The following TAFA5 variants were observed in gnomAD, a reference collection of about 807,000 sequenced individuals.
TAFA5 encodes the protein TAFA chemokine like family member 5, also known as chemokine-like protein TAFA-5.
A neutral mutation model predicts 15.3 loss-of-function variants in TAFA5; 6 were observed. The observed-to-expected ratio is 0.39, with a 90% CI of 0.21 to 0.77. The LOEUF (loss-of-function observed/expected upper bound fraction) is 0.77. Among genes scored for constraint, TAFA5 ranks in the 30% least tolerant of loss-of-function variants. The pLI, the probability that TAFA5 is intolerant of heterozygous loss-of-function variation, is 0.41. For missense variants in TAFA5, 161 were observed against 193.1 expected (o/e 0.83, Z 0.98); for synonymous variants, 103 against 80.7 (o/e 1.28, Z -1.48).
intron 2 of TAFA5, among the ~76,000 whole-genome samples, chr22:48,699,153 G>A (rs897704933): frequency 1.5e-4 from 23 of 151,928 alleles, no homozygotes; most frequent in South Asian, 2.1e-4. Context: ...GGCTGGTCTC[G>A]AACTCCTGAC....
intron 1 of TAFA5, among the ~76,000 whole-genome samples, chr22:48,500,282 T>A (rs976734646): frequency 6.6e-5 from 10 of 152,194 alleles, no homozygotes; most frequent in Non-Finnish European, 1.3e-4. Flanking sequence ...CCCCTGTCCC[T>A]GACCAACAAC....
intron 1 of TAFA5, among the ~76,000 whole-genome samples, chr22:48,596,603 G>A (rs1052160514): frequency 3.3e-5 from 5 of 152,108 alleles, no homozygotes; most frequent in Non-Finnish European, 7.3e-5. Context: ...GCTGGCATGA[G>A]GGAGGCGCGT....
rs566043629 is a variant in TAFA5 at position 48,608,759 on chromosome 22, A to C, written c.113-37838A>C. Among the ~76,000 whole-genome samples the C allele has an allele frequency of 6.8e-4, 103 of 152,278 alleles. No individual in the cohort carries two copies. In the South Asian group the frequency reaches 7.9e-3, roughly 12 times the overall value. On this transcript the variant is annotated intron_variant, in intron 1 of 3. Coordinates refer to ENST00000402357, the MANE Select transcript of TAFA5 (RefSeq NM_001082967.3). ...GCAGAGTGCCGTGGAGGGGCTCCCG[A>C]AGCCCGCTGGCCTTTGTCTGCTTGA...
intron 2 of TAFA5, among the ~76,000 whole-genome samples, chr22:48,665,584 AT>A (rs1054681336): frequency 6.6e-6 from 1 of 151,788 alleles, no homozygotes; most frequent in South Asian, 2.1e-4. Flanking sequence ...CTCAAGGCAC[AT>A]TTTTTTTCTC....
chr22:48,713,293 G>A (rs564438129), intron 3 of TAFA5, among the ~76,000 whole-genome samples: 3 of 152,326 alleles, frequency 2.0e-5, no homozygotes, highest in South Asian at 2.1e-4. Flanking sequence ...GGCAGCTGCC[G>A]CTGATCTCGT....
intron 1 of TAFA5, among the ~76,000 whole-genome samples, chr22:48,633,559 C>A (rs1423095474): frequency 1.1e-5 from 1 of 90,478 alleles, no homozygotes; most frequent in Non-Finnish European, 2.3e-5. Context: ...TCTCTCTCTC[C>A]ATCTCTCCAT....
At chr22:48,709,015 C>T (rs1229093199) in intron 3 of TAFA5, among the ~76,000 whole-genome samples, 1 of 152,200 alleles carries the variant, frequency 6.6e-6, no homozygotes, top group African/African-American at 2.4e-5. Flanking sequence ...CTGAGAGTCG[C>T]ACGGCTTTCT....
intron 1 of TAFA5, among the ~76,000 whole-genome samples, chr22:48,518,188 G>A (rs1921481720): frequency 6.6e-6 from 1 of 152,220 alleles, no homozygotes; most frequent in Non-Finnish European, 1.5e-5. Flanking sequence ...CAGGAGCTGA[G>A]ATGGTACCCG....
chr22:48,535,805 T>C (rs989484807), intron 1 of TAFA5, among the ~76,000 whole-genome samples: 2 of 151,684 alleles, frequency 1.3e-5, no homozygotes, highest in Admixed American at 1.3e-4. Context: ...GCTGTGTGGG[T>C]ATATGCATAT....
At chr22:48,541,587 G>A (rs1237062278) in intron 1 of TAFA5, among the ~76,000 whole-genome samples, 4 of 152,156 alleles carry the variant, frequency 2.6e-5, no homozygotes, top group Admixed American at 2.6e-4. Context: ...TGCCACACAG[G>A]GCAACAGGTG....
intron 1 of TAFA5, among the ~76,000 whole-genome samples, chr22:48,523,496 C>T (rs1379844011): frequency 6.6e-6 from 1 of 152,212 alleles, no homozygotes; most frequent in Non-Finnish European, 1.5e-5. Context: ...CGTTGGGCCT[C>T]TGCTTCTGGG....
At chr22:48,651,429 T>G (rs1364460327) in intron 2 of TAFA5, among the ~76,000 whole-genome samples, 1 of 151,666 alleles carries the variant, frequency 6.6e-6, no homozygotes, top group Non-Finnish European at 1.5e-5. Flanking sequence ...TGGAGGTGGG[T>G]GTTGGGTGGA....
intron 1 of TAFA5, among the ~76,000 whole-genome samples, chr22:48,508,135 G>A (rs1315711417): frequency 1.3e-5 from 2 of 152,196 alleles, no homozygotes; most frequent in Non-Finnish European, 1.5e-5. Flanking sequence ...CTGATGCGTG[G>A]GCCACTGTTT....
intron 2 of TAFA5, among the ~76,000 whole-genome samples, chr22:48,659,252 G>A (rs1927351544): frequency 6.6e-6 from 1 of 152,266 alleles, no homozygotes; most frequent in Non-Finnish European, 1.5e-5. Context: ...CTTTGAGCAA[G>A]TGGAGAATTT....
chr22:48,558,348 A>G (rs1348918565), intron 1 of TAFA5, among the ~76,000 whole-genome samples: 1 of 152,202 alleles, frequency 6.6e-6, no homozygotes, highest in Non-Finnish European at 1.5e-5. Context: ...ACATAGACAA[A>G]TTAAATCTTG....
At position 48,627,698 on chromosome 22, in the gene TAFA5, C is replaced by T. The variant is rs571479459; in HGVS notation, c.113-18899C>T. 1.2e-3 allele frequency among the ~76,000 whole-genome samples: 178 copies of T among 152,340 alleles called. 1 individual carries two copies. Among genetic ancestry groups the T allele is most frequent in the African/African-American group, 3.9e-3 (162 of 41,586 alleles). On this transcript the variant is annotated intron_variant, in intron 1 of 3. Coordinates refer to ENST00000402357, the MANE Select transcript of TAFA5 (RefSeq NM_001082967.3). ...GCTCATCCAAAATGAGACACTCACACCCTAGGTGCAGCTGAGGCAGGACCC... is the reference window on the plus strand; with the variant it reads ...GCTCATCCAAAATGAGACACTCACATCCTAGGTGCAGCTGAGGCAGGACCC...
intron 1 of TAFA5, among the ~76,000 whole-genome samples, chr22:48,511,657 C>T (rs1288361941): frequency 1.3e-5 from 2 of 152,236 alleles, no homozygotes; most frequent in Non-Finnish European, 2.9e-5. Context: ...CCCCTGAGCT[C>T]CTAGAAAGGC....
chr22:48,543,143 C>G (rs1922523127), intron 1 of TAFA5, among the ~76,000 whole-genome samples: 1 of 152,016 alleles, frequency 6.6e-6, no homozygotes, highest in Admixed American at 6.5e-5. Flanking sequence ...GCATCTGCGT[C>G]TCTGAACATC....
At chr22:48,525,786 G>A (rs1002635214) in intron 1 of TAFA5, among the ~76,000 whole-genome samples, 1 of 152,164 alleles carries the variant, frequency 6.6e-6, no homozygotes, top group African/African-American at 2.4e-5. Flanking sequence ...GAGGCACGGT[G>A]GTGTGCACGG....
Sources: allele counts gnomAD v4.1 joint callset (sites outside exome capture counted in the v4.1 genomes callset), GRCh38; gene constraint gnomAD v4.1.1; transcripts MANE v1.5; gene names NCBI Gene and HGNC (gene_info 2026-07-23, HGNC 2026-07-21).